The following C5orf63 variants were observed in gnomAD, a reference collection of about 807,000 sequenced individuals.
The protein encoded by C5orf63 is glutaredoxin-like protein C5orf63.
A neutral mutation model predicts 13.3 loss-of-function variants in C5orf63; 18 were observed. That is an observed-to-expected ratio of 1.36 (90% CI 0.94 to 2.01). The LOEUF is 2.01. Among genes scored for constraint, C5orf63 ranks in the 30% most tolerant of loss-of-function variants. The pLI, the probability that C5orf63 is intolerant of heterozygous loss-of-function variation, is 0.00. For missense variants in C5orf63, 118 were observed against 127.7 expected (o/e 0.92, Z 0.36); for synonymous variants, 38 against 44.7 (o/e 0.85, Z 0.60).
intron 2 of C5orf63, among the ~76,000 whole-genome samples, chr5:127,062,000 C>G (rs1041261549): frequency 6.6e-6 from 1 of 152,136 alleles, no homozygotes; most frequent in Non-Finnish European, 1.5e-5. Context: ...GATTTATTGA[C>G]GTCTGGTTGA....
At chr5:127,047,037 C>G (rs973257857), downstream of C5orf63, 1 of 152,076 alleles carries the variant, frequency 6.6e-6, no homozygotes, top group African/African-American at 2.4e-5. Flanking sequence ...TTTAAAAAAC[C>G]CCAGTCTGAG....
intron 2 of C5orf63, among the ~76,000 whole-genome samples, chr5:127,061,642 T>C (rs1286195536): frequency 1.3e-5 from 2 of 152,204 alleles, no homozygotes; most frequent in Non-Finnish European, 2.9e-5. Context: ...GAATGAACAA[T>C]TTTCCAATAG....
chr5:127,052,629 T>G lies in C5orf63; in HGVS notation c.155A>C (p.Lys52Thr). 6.6e-7 allele frequency: 1 copy of G among 1,507,974 alleles called. No homozygotes were observed. Among genetic ancestry groups the G allele is most frequent in the Non-Finnish European group, 8.8e-7 (1 of 1,136,802 alleles). The allele number at this position is 1,507,974 out of a possible 1,614,324, so 93.4% of individuals were successfully genotyped here. A position where few individuals can be genotyped will look rare whatever the true frequency, so the allele number is the denominator to read the frequency against. Residue 52 changes from lysine (K) to threonine (T), a missense_variant, in exon 4 of 5, where the codon AAG becomes ACG. Coordinates refer to ENST00000296662, the MANE Select transcript of C5orf63 (RefSeq NM_001164478.2). The stretch of plus-strand genomic sequence containing the variant: ...TTATATTACCCTGTTTTCATAAGGC[T>G]TGAGTACTTCCTTGGCTTCATCACA... ...PLCDEAKEVL[K>T]PYENRFILQE...
At chr5:127,060,086 C>T (rs867658579) in intron 2 of C5orf63, among the ~76,000 whole-genome samples, 4 of 151,802 alleles carry the variant, frequency 2.6e-5, no homozygotes, top group Admixed American at 6.6e-5. Flanking sequence ...TGCAGTGAGC[C>T]GAGATCGCAC....
intron 2 of C5orf63, among the ~76,000 whole-genome samples, chr5:127,069,718 T>G (rs1374865641): frequency 6.6e-6 from 1 of 152,218 alleles, no homozygotes. Flanking sequence ...TTGCTTGACA[T>G]TAGGCTGTGG....
At chr5:127,050,182 C>T (rs1753625478), downstream of C5orf63, among the ~76,000 whole-genome samples, 1 of 152,136 alleles carries the variant, frequency 6.6e-6, no homozygotes, top group Admixed American at 6.6e-5. Flanking sequence ...GTGATATTTC[C>T]ACCCACACTC....
chr5:127,060,658 C>A (rs1316436822), intron 2 of C5orf63, among the ~76,000 whole-genome samples: 1 of 152,228 alleles, frequency 6.6e-6, no homozygotes, highest in Non-Finnish European at 1.5e-5. Context: ...CAAGTTGCAA[C>A]TGCAAAGTTT....
chr5:127,054,871 T>C (rs1340357724), intron 3 of C5orf63, among the ~76,000 whole-genome samples: 1 of 152,230 alleles, frequency 6.6e-6, no homozygotes, highest in Non-Finnish European at 1.5e-5. Flanking sequence ...TGGTTTTAAG[T>C]CTAACATTTA....
intron 2 of C5orf63, among the ~76,000 whole-genome samples, chr5:127,069,228 G>A (rs1289443599): frequency 1.3e-5 from 2 of 152,074 alleles, no homozygotes; most frequent in Non-Finnish European, 2.9e-5. Context: ...CAAGGGATGG[G>A]AAAAAAGTAT....
intron 2 of C5orf63, among the ~76,000 whole-genome samples, chr5:127,070,317 A>G (rs1354136671): frequency 6.6e-6 from 1 of 152,224 alleles, no homozygotes; most frequent in Non-Finnish European, 1.5e-5. Flanking sequence ...AAAAAAATCA[A>G]ATAATTCAAC....
intron 2 of C5orf63, among the ~76,000 whole-genome samples, chr5:127,066,838 A>G (rs1754351154): frequency 6.6e-6 from 1 of 152,182 alleles, no homozygotes; most frequent in Non-Finnish European, 1.5e-5. Context: ...GGTTGGATCA[A>G]GAGGAACCAG....
chr5:127,048,138 C>G (rs1753564587), downstream of C5orf63, among the ~76,000 whole-genome samples: 1 of 151,952 alleles, frequency 6.6e-6, no homozygotes, highest in African/African-American at 2.4e-5. Context: ...CCCTCAGCCC[C>G]TCGGAACCCA....
At chr5:127,057,416 A>G (rs1050885508) in intron 3 of C5orf63, among the ~76,000 whole-genome samples, 15 of 152,330 alleles carry the variant, frequency 9.8e-5, no homozygotes, top group Non-Finnish European at 1.9e-4. Context: ...AATCACACAA[A>G]GTGATGTTAA....
chr5:127,059,023 C>T (rs1753996938), intron 2 of C5orf63, 21 bp from the exon 3 acceptor site: 1 of 1,408,374 alleles, frequency 7.1e-7, no homozygotes, highest in Non-Finnish European at 9.7e-7. Context: ...AAAAATAAAG[C>T]AGTAAACTTA....
rs1461772006 is a variant in C5orf63 at position 127,051,804 on chromosome 5, G to A, written c.315C>T (p.Leu105=). ...CAGTACTTTGCTGCTCAAGTTTCAG[G>A]AGCTGTTTTTCAAGTTTTGAGGTGT... is the stretch of plus-strand genomic sequence containing the variant. ...RVNTSKLEKQ[L]LKLEQQSTGG is the part of the protein sequence containing the mutation. Residue 105 remains leucine (L), a synonymous_variant, in exon 5 of 5, where the codon CTC becomes CTT. Transcript: ENST00000296662. 5 of 1,530,556 alleles carry A rather than the reference G, an allele frequency of 3.3e-6. No individual in the cohort carries two copies. The highest frequency in any genetic ancestry group is 4.4e-6 in the Non-Finnish European group (5 of 1,144,436). The allele number at this position is 1,530,556 out of a possible 1,614,324, so 94.8% of individuals were successfully genotyped here.
chr5:127,065,521 G>A (rs1297803952), intron 2 of C5orf63, among the ~76,000 whole-genome samples: 1 of 152,190 alleles, frequency 6.6e-6, no homozygotes, highest in East Asian at 1.9e-4. Flanking sequence ...AGGTAGGAAT[G>A]ACATGGCTAT....
downstream of C5orf63, chr5:127,047,178 A>G (rs1348711921): frequency 6.5e-6 from 1 of 153,292 alleles, no homozygotes; most frequent in Non-Finnish European, 1.4e-5. Context: ...AAACTATTCC[A>G]CTCCTTCATA....
chr5:127,048,318 C>G (rs1429699469), downstream of C5orf63, among the ~76,000 whole-genome samples: 1 of 151,668 alleles, frequency 6.6e-6, no homozygotes, highest in Non-Finnish European at 1.5e-5. Flanking sequence ...CTGGGACAAA[C>G]TCAGAGAAAC....
At chr5:127,052,109 G>A (rs1753699333) in intron 4 of C5orf63, among the ~76,000 whole-genome samples, 162 bp from the exon 5 acceptor site, 1 of 152,150 alleles carries the variant, frequency 6.6e-6, no homozygotes, top group South Asian at 2.1e-4. Context: ...TCCAAAACTT[G>A]ACTGGTTTCA....
Sources: gnomAD v4.1 joint callset for allele counts (sites outside exome capture counted in the v4.1 genomes callset) on GRCh38, gnomAD v4.1.1 for gene constraint, MANE v1.5 for transcripts, NCBI Gene and HGNC (gene_info 2026-07-23, HGNC 2026-07-21) for gene names.